Variants in MMP16 observed in about 807,000 individuals in gnomAD.
MMP16 encodes the protein matrix metalloproteinase-16.
In MMP16, 12 loss-of-function variants were observed where a neutral mutation model predicts 67.8. The ratio of observed to expected loss-of-function variants is 0.18; its 90% confidence interval spans 0.11 to 0.29. MMP16 has a LOEUF of 0.29. Among genes scored for constraint, MMP16 ranks in the 10% least tolerant of loss-of-function variants. MMP16 has a pLI of 1.00. For missense variants in MMP16, 475 were observed against 765.7 expected, an observed-to-expected ratio of 0.62 and a Z score of 4.48; for synonymous variants, 249 against 255.9, an observed-to-expected ratio of 0.97 and a Z score of 0.26.
intron 6 of MMP16, among the ~76,000 whole-genome samples, chr8:88,082,166 G>GACACACAC (rs150052923): frequency 2.0e-5 from 3 of 151,010 alleles, no homozygotes; most frequent in Admixed American, 1.3e-4. Context: ...CGCACACACA[G>GACACACAC]ACACACACAC....
chr8:88,282,068 T>A (rs1305257543), intron 1 of MMP16, among the ~76,000 whole-genome samples: 1 of 72,978 alleles, frequency 1.4e-5, no homozygotes, highest in Non-Finnish European at 3.0e-5. Flanking sequence ...AATTCCAGAT[T>A]TTTTTTTCTT....
intron 4 of MMP16, among the ~76,000 whole-genome samples, chr8:88,140,364 T>C (rs1220815761): frequency 6.6e-6 from 1 of 152,318 alleles, no homozygotes; most frequent in African/African-American, 2.4e-5. Flanking sequence ...ATCCTTTTTA[T>C]GACCTAGTCT....
At chr8:88,137,861 T>C (rs541701597) in intron 4 of MMP16, among the ~76,000 whole-genome samples, 15 of 152,138 alleles carry the variant, frequency 9.9e-5, no homozygotes, top group South Asian at 2.1e-4. Context: ...CACTAGTCTC[T>C]TTCAATTCAC....
intron 4 of MMP16, among the ~76,000 whole-genome samples, chr8:88,160,730 C>T: frequency 6.6e-6 from 1 of 152,030 alleles, no homozygotes; most frequent in African/African-American, 2.4e-5. Context: ...TGTGGTGATT[C>T]CTCAGGGATC....
chr8:88,274,818 T>A (rs752580411), intron 1 of MMP16, among the ~76,000 whole-genome samples: 3 of 151,882 alleles, frequency 2.0e-5, no homozygotes, highest in Non-Finnish European at 4.4e-5. Context: ...TGATAGAAAA[T>A]AAATAATCAG....
intron 4 of MMP16, among the ~76,000 whole-genome samples, chr8:88,142,772 T>C (rs186420612): frequency 6.6e-6 from 1 of 152,228 alleles, no homozygotes; most frequent in Admixed American, 6.5e-5. Flanking sequence ...GTTTAAATGG[T>C]GATTGTATCC....
intron 1 of MMP16, among the ~76,000 whole-genome samples, chr8:88,303,253 G>A (rs915768397): frequency 6.6e-6 from 1 of 152,146 alleles, no homozygotes; most frequent in African/African-American, 2.4e-5. Flanking sequence ...CACCTCACAA[G>A]TTAAGACCCA....
At position 88,035,083 on chromosome 8, in the gene MMP16, G is replaced by T. The variant is rs1808037141; in HGVS notation, c.*6378C>A. The T allele has an allele frequency of 6.6e-6, 1 of 151,924 alleles. No homozygotes were observed. Among genetic ancestry groups the T allele is most frequent in the South Asian group, 2.1e-4 (1 of 4,814 alleles). 9.4% of individuals were successfully genotyped at this position (151,924 alleles called of 1,614,324 possible). A position where few individuals can be genotyped will look rare whatever the true frequency, so the allele number is the denominator to read the frequency against. On this transcript the variant is annotated 3_prime_UTR_variant, in exon 10 of 10. Coordinates refer to ENST00000286614, the MANE Select transcript of MMP16 (RefSeq NM_005941.5). The surrounding 1 kb of genome is among the most constrained non-coding windows in gnomAD (Gnocchi z 4.7). ...AAAAACAAGTGGAAAAAATTCCCAA[G>T]AAACATCTCTATAAGCCAAAAAGTT...
chr8:88,117,443 G>A (rs28907639), intron 5 of MMP16, among the ~76,000 whole-genome samples: 2,427 of 152,204 alleles, frequency 0.016, 25 homozygotes, highest in Middle Eastern at 0.024. Context: ...AAAAAGAAAT[G>A]TAAAGCTGTT....
At chr8:88,320,916 C>CA (rs1811450192) in intron 1 of MMP16, among the ~76,000 whole-genome samples, 1 of 151,946 alleles carries the variant, frequency 6.6e-6, no homozygotes. Context: ...TGTGGTGAAA[C>CA]ACCAAGCAAA....
chr8:88,327,355 CAG>C lies in MMP16; in HGVS notation c.-151_-150del. On this transcript the variant is annotated 5_prime_UTR_variant, in exon 1 of 10. Transcript: ENST00000286614. The stretch of plus-strand genomic sequence containing the variant: ...CCCACAGCCGGGCAAGGGGAGGAGA[CAG>C]GGGCCCCGCGCTCGGCAGCCCCCGA... 1 of 1,011,084 alleles carries C rather than the reference CAG, an allele frequency of 9.9e-7. No homozygotes were observed. Among genetic ancestry groups the C allele is most frequent in the Non-Finnish European group, 1.4e-6 (1 of 698,290 alleles). The allele number at this position is 1,011,084 out of a possible 1,614,324, so 62.6% of individuals were successfully genotyped here.
At chr8:88,309,448 AG>A (rs896465789) in intron 1 of MMP16, among the ~76,000 whole-genome samples, 16 of 151,196 alleles carry the variant, frequency 1.1e-4, no homozygotes, top group African/African-American at 1.9e-4. Context: ...GGTAGGAGGG[AG>A]GGGGGGAACT....
intron 6 of MMP16, among the ~76,000 whole-genome samples, chr8:88,086,097 A>G (rs534401839): frequency 4.0e-5 from 6 of 151,876 alleles, no homozygotes; most frequent in Non-Finnish European, 7.4e-5. Flanking sequence ...TAGCATAGAA[A>G]GAGCGAGCTG....
At position 88,099,989 on chromosome 8, in the gene MMP16, C is replaced by A. The variant is rs186508072; in HGVS notation, c.1083+16518G>T. Reference sequence around the variant, plus strand: ...AGATTCTCCTCATACAGAATATCAGCCCTTTGTCAGATGAGTAGATTGCAA... The same window carrying A: ...AGATTCTCCTCATACAGAATATCAGACCTTTGTCAGATGAGTAGATTGCAA... On this transcript the variant is annotated intron_variant, in intron 6 of 9. Transcript: ENST00000286614. Among the ~76,000 whole-genome samples the A allele has an allele frequency of 1.1e-3, 160 of 151,920 alleles. 1 individual carries two copies. The highest frequency in any genetic ancestry group is 3.7e-3 in the African/African-American group (155 of 41,504).
In MMP16 at chr8:88,033,031, T is replaced by C. The variant is rs1361029043; in HGVS notation, c.*8430A>G. ...TTAATTTCCTGGCGTTTCTCTCTGCTTCACAGTTTAATGTTATTTAAATAA... is the reference window on the plus strand; with the variant it reads ...TTAATTTCCTGGCGTTTCTCTCTGCCTCACAGTTTAATGTTATTTAAATAA... On this transcript the variant is annotated 3_prime_UTR_variant, in exon 10 of 10. Coordinates refer to ENST00000286614, the MANE Select transcript of MMP16 (RefSeq NM_005941.5). 1 of 152,052 alleles carries C rather than the reference T, an allele frequency of 6.6e-6. No homozygotes were observed. Among genetic ancestry groups the C allele is most frequent in the Non-Finnish European group, 1.5e-5 (1 of 67,944 alleles). 9.4% of individuals were successfully genotyped at this position (152,052 alleles called of 1,614,324 possible).
At chr8:88,083,395 A>T (rs78174400) in intron 6 of MMP16, among the ~76,000 whole-genome samples, 1 of 151,992 alleles carries the variant, frequency 6.6e-6, no homozygotes. Context: ...TTACAAGGTA[A>T]GCCTGGAACA....
intron 3 of MMP16, among the ~76,000 whole-genome samples, chr8:88,172,675 T>C (rs1473349005): frequency 1.3e-5 from 2 of 152,188 alleles, no homozygotes; most frequent in African/African-American, 4.8e-5. Flanking sequence ...CCCTTTCTTT[T>C]TGTGAAAAGA....
rs28905468 is a variant in MMP16, at chr8:88,221,574, CA to C, written c.133-24269del. ...AACCCCAGAGAGAAGAGAATTCTAC[CA>C]AAAAAAATAGTTTTTAAACACAATT... On this transcript the variant is annotated intron_variant, in intron 1 of 9. Transcript: ENST00000286614. 9.5e-3 allele frequency among the ~76,000 whole-genome samples: 1,425 copies of C among 150,468 alleles called. 21 individuals carry two copies. The highest frequency in any genetic ancestry group is 0.031 in the African/African-American group (1,288 of 41,118).
intron 1 of MMP16, among the ~76,000 whole-genome samples, chr8:88,292,752 C>T (rs1029436927): frequency 5.9e-5 from 9 of 151,970 alleles, no homozygotes; most frequent in Admixed American, 5.2e-4. Flanking sequence ...TTCACACCAC[C>T]AAATATGCAA....
Sources: allele counts gnomAD v4.1 joint callset (sites outside exome capture counted in the v4.1 genomes callset), GRCh38; gene constraint gnomAD v4.1.1; non-coding constraint Gnocchi (gnomAD v3.1); transcripts MANE v1.5; gene names NCBI Gene and HGNC (gene_info 2026-07-23, HGNC 2026-07-21).